The following CNTN1 variants were observed in gnomAD, a reference collection of about 807,000 sequenced individuals.
CNTN1 encodes contactin 1.
Under a neutral mutation model 126.4 loss-of-function variants are expected in CNTN1, and 38 were observed. That is an observed-to-expected ratio of 0.30 (90% CI 0.23 to 0.39). The LOEUF (loss-of-function observed/expected upper bound fraction) is 0.39. Among genes scored for constraint, CNTN1 ranks in the 10% least tolerant of loss-of-function variants. The pLI, the probability that CNTN1 is intolerant of heterozygous loss-of-function variation, is 1.00. For synonymous variants in CNTN1, 413 were observed against 422.6 expected, an observed-to-expected ratio of 0.98 and a Z score of 0.28; for missense variants, 1,009 against 1,248.4, an observed-to-expected ratio of 0.81 and a Z score of 2.89.
chr12:41,061,824 T>C (rs1949944376), intron 23 of CNTN1: 2 of 455,708 alleles, frequency 4.4e-6, no homozygotes, highest in African/African-American at 2.0e-5. Flanking sequence ...CAGAACCATG[T>C]CTTGAGCCCA....
At chr12:41,006,427 G>T (rs1316555879) in intron 17 of CNTN1, among the ~76,000 whole-genome samples, 1 of 152,230 alleles carries the variant, frequency 6.6e-6, no homozygotes, top group South Asian at 2.1e-4. Context: ...TGGAGACTGT[G>T]TGTGGGCATG....
chr12:40,958,518 A>G (rs1450627976), intron 14 of CNTN1, among the ~76,000 whole-genome samples: 1 of 152,050 alleles, frequency 6.6e-6, no homozygotes, highest in Non-Finnish European at 1.5e-5. Context: ...AGACTCAAAA[A>G]TATGTGTTGA....
chr12:40,797,343 A>T lies in CNTN1; in HGVS notation c.-77+104751A>T, dbSNP rs539477727. 5.3e-5 allele frequency among the ~76,000 whole-genome samples: 8 copies of T among 152,220 alleles called. No homozygotes were observed. In the East Asian group the frequency reaches 1.4e-3, roughly 26 times the overall value. On this transcript the variant is annotated intron_variant, in intron 1 of 23. Transcript: ENST00000551295. ...GGAATATGATCTGGGAGTTTTTCAG[A>T]GGAAGTAAATTTTAAATAACAACCT...
chr12:41,015,207 A>AT (rs5797697), intron 18 of CNTN1, among the ~76,000 whole-genome samples: 151,145 of 152,258 alleles, frequency 0.99, 75,024 homozygotes, highest in East Asian at 1. Flanking sequence ...GCAAAAAAAA[A>AT]CTAATCTGAA....
At chr12:40,900,659 C>T (rs1316853184) in intron 1 of CNTN1, among the ~76,000 whole-genome samples, 1 of 152,126 alleles carries the variant, frequency 6.6e-6, no homozygotes, top group Non-Finnish European at 1.5e-5. Flanking sequence ...CTGAGAATTA[C>T]TGATTCAATC....
chr12:40,899,134 A>T (rs1028232912), intron 1 of CNTN1, among the ~76,000 whole-genome samples: 1 of 152,224 alleles, frequency 6.6e-6, no homozygotes, highest in Non-Finnish European at 1.5e-5. Context: ...TTATGCTTAT[A>T]TGTGAGAGCA....
intron 23 of CNTN1, among the ~76,000 whole-genome samples, chr12:41,049,599 T>C (rs1350341533): frequency 6.6e-6 from 1 of 152,262 alleles, no homozygotes; most frequent in Non-Finnish European, 1.5e-5. Context: ...ACTAACCATC[T>C]AATTGTGCTC....
intron 16 of CNTN1, among the ~76,000 whole-genome samples, chr12:40,986,714 T>C (rs574390137): frequency 6.6e-6 from 1 of 152,300 alleles, no homozygotes; most frequent in Non-Finnish European, 1.5e-5. Context: ...TCAGCACTCC[T>C]GCCACTATCT....
rs559518006 is a variant in CNTN1, at chr12:40,702,060, C to A, written c.-77+9468C>A. On this transcript the variant is annotated intron_variant, in intron 1 of 23. Transcript: ENST00000551295. ...GAATAGTTTTGTCTGTTTTTAGAAT[C>A]TACATAAACGGAATCATGAAGTATG... 6.6e-5 allele frequency among the ~76,000 whole-genome samples: 10 copies of A among 151,798 alleles called. 1 individual carries two copies. In the East Asian group the frequency reaches 1.6e-3, roughly 24 times the overall value.
In CNTN1 at chr12:40,936,908, A is replaced by G. The variant is rs1946101637; in HGVS notation, c.1110+3A>G. ...GATGGTTGAAAAATGGATATGCGGT[A>G]TGTATGTTCAAGTGCTTTGCTGTTC... On this transcript the variant is annotated splice_donor_region_variant and intron_variant, in intron 10 of 23. Coordinates refer to ENST00000551295, the MANE Select transcript of CNTN1 (RefSeq NM_001843.4). 1 of 1,612,642 alleles carries G rather than the reference A, an allele frequency of 6.2e-7. No homozygotes were observed. Among genetic ancestry groups the G allele is most frequent in the Non-Finnish European group, 8.5e-7 (1 of 1,178,948 alleles).
chr12:41,044,163 A>G (rs1949489490), intron 23 of CNTN1, among the ~76,000 whole-genome samples: 1 of 151,880 alleles, frequency 6.6e-6, no homozygotes, highest in Non-Finnish European at 1.5e-5. Context: ...AATAAAATAA[A>G]TAAAAAAATA....
chr12:40,817,406 CTTCT>C (rs1478741373), intron 1 of CNTN1, among the ~76,000 whole-genome samples: 1 of 149,964 alleles, frequency 6.7e-6, no homozygotes, highest in Non-Finnish European at 1.5e-5. Context: ...ATGCAATACC[CTTCT>C]TTGTCTTTTT....
intron 14 of CNTN1, among the ~76,000 whole-genome samples, chr12:40,944,684 C>CTG (rs1358507145): frequency 1.8e-5 from 2 of 112,820 alleles, no homozygotes; most frequent in African/African-American, 3.3e-5. Flanking sequence ...TCTACAAGTC[C>CTG]TATAGTTAAA....
chr12:40,692,969 C>A (rs1438891422), intron 1 of CNTN1, among the ~76,000 whole-genome samples: 1 of 152,184 alleles, frequency 6.6e-6, no homozygotes, highest in Non-Finnish European at 1.5e-5. Flanking sequence ...AGGTCGGCAG[C>A]CCGGGGCCTG....
rs559290187 is a variant in CNTN1 at position 40,971,037 on chromosome 12, C to A, written c.1805-9872C>A. Among the ~76,000 whole-genome samples, 106 of 152,304 alleles carry A rather than the reference C, an allele frequency of 7.0e-4. No individual in the cohort carries two copies. In the South Asian group the frequency reaches 0.02, roughly 29 times the overall value. ...GTTGATTAACTTTTTCAAACCATTG[C>A]TTCAATCTATCCTTATTACTTTTAT... On this transcript the variant is annotated intron_variant, in intron 15 of 23. Coordinates refer to ENST00000551295, the MANE Select transcript of CNTN1 (RefSeq NM_001843.4).
chr12:41,066,945 A>T (rs1240828137), intron 23 of CNTN1, among the ~76,000 whole-genome samples: 1 of 152,214 alleles, frequency 6.6e-6, no homozygotes, highest in African/African-American at 2.4e-5. Flanking sequence ...TGATTTGTTC[A>T]GGTTTAACAT....
intron 1 of CNTN1, among the ~76,000 whole-genome samples, chr12:40,701,502 T>C (rs980242554): frequency 6.6e-6 from 1 of 152,090 alleles, no homozygotes; most frequent in Non-Finnish European, 1.5e-5. Context: ...AAGATGAATA[T>C]TATAAATAAT....
At chr12:40,991,321 C>A (rs1280912455) in intron 16 of CNTN1, among the ~76,000 whole-genome samples, 1 of 151,820 alleles carries the variant, frequency 6.6e-6, no homozygotes, top group Non-Finnish European at 1.5e-5. Flanking sequence ...TAGAGCCCAC[C>A]TAGAAAATTT....
chr12:41,039,336 G>A (rs896290159), intron 23 of CNTN1, among the ~76,000 whole-genome samples: 7 of 152,110 alleles, frequency 4.6e-5, no homozygotes, highest in African/African-American at 1.4e-4. Flanking sequence ...GTAGAAGTGG[G>A]AGGCAGTTAT....
Sources: gnomAD v4.1 joint callset for allele counts (sites outside exome capture counted in the v4.1 genomes callset) on GRCh38, gnomAD v4.1.1 for gene constraint, MANE v1.5 for transcripts, NCBI Gene and HGNC (gene_info 2026-07-23, HGNC 2026-07-21) for gene names.